Variants in MYO9A observed in about 807,000 individuals in gnomAD.
The protein encoded by MYO9A is unconventional myosin-IXa.
Under a neutral mutation model 293.3 loss-of-function variants are expected in MYO9A, and 103 were observed. That is an observed-to-expected ratio of 0.35 (90% CI 0.30 to 0.41). The LOEUF (loss-of-function observed/expected upper bound fraction) is 0.41. MYO9A is among the 10% of genes least tolerant of loss of function. The probability of loss-of-function intolerance (pLI) is 1.00; values close to 1 mark genes in which losing one functional copy is unlikely to be tolerated. For synonymous variants in MYO9A, 1,001 were observed against 1,035.7 expected, an observed-to-expected ratio of 0.97 and a Z score of 0.64; for missense variants, 2,685 against 3,033.0, an observed-to-expected ratio of 0.89 and a Z score of 2.69.
chr15:72,069,154 C>T (rs2079107522), intron 1 of MYO9A, among the ~76,000 whole-genome samples: 1 of 152,196 alleles, frequency 6.6e-6, no homozygotes, highest in Non-Finnish European at 1.5e-5. Flanking sequence ...CTCACAAGCT[C>T]TTAGGTAGCA....
intron 6 of MYO9A, 123 bp from the exon 7 acceptor site, chr15:72,010,570 G>T: frequency 1.3e-6 from 1 of 743,644 alleles, no homozygotes; most frequent in Non-Finnish European, 2.2e-6. Flanking sequence ...AGAGCTGGTA[G>T]AATAGTAAGA....
At position 71,912,400 on chromosome 15, in the gene MYO9A, CGCCCATCGCCAT is replaced by C. The variant is rs1567263510; in HGVS notation, c.2685+3958_2685+3969del. ...CCTCCCAAGTAGCTGGGATTACAGG[CGCCCATCGCCAT>C]GCCTGGCTAATTTTTGTATTTTCAG... On this transcript the variant is annotated intron_variant, in intron 19 of 41. Transcript: ENST00000356056. 4.6e-5 allele frequency among the ~76,000 whole-genome samples: 7 copies of C among 152,110 alleles called. No homozygotes were observed. The East Asian group carries it at 9.7e-4, about 21-fold the overall frequency.
intron 18 of MYO9A, among the ~76,000 whole-genome samples, chr15:71,919,596 G>A (rs967608178): frequency 2.0e-5 from 3 of 151,710 alleles, no homozygotes; most frequent in African/African-American, 4.8e-5. Context: ...CTGGCCAGGC[G>A]TGAGGAGGCC....
In MYO9A at chr15:71,898,697, C is replaced by T. The variant is rs756475805; in HGVS notation, c.3806G>A (p.Arg1269Gln). Residue 1269 changes from arginine to glutamine, a missense_variant, in exon 25 of 42, where the codon CGG (arginine) becomes CAG (glutamine). Arg to Gln is a conservative substitution (Grantham distance 43). This residue lies in a region of MYO9A where 1,434 missense variants were observed against 1,497.7 expected (regional missense o/e 0.96). Transcript: ENST00000356056. ...LEDLHQKKVG[R>Q]AKRESRRMRE... ...CATTCTCCTACTTTCTCTCTTAGCCCGGCCTACTTTTTTCTGATGGAGATC... is the reference window on the plus strand; with the variant it reads ...CATTCTCCTACTTTCTCTCTTAGCCTGGCCTACTTTTTTCTGATGGAGATC... 1.6e-5 allele frequency: 26 copies of T among 1,613,754 alleles called. No homozygotes were observed. Among genetic ancestry groups the T allele is most frequent in the South Asian group, 4.4e-5 (4 of 91,044 alleles).
chr15:72,003,241 C>G (rs2076920204), intron 8 of MYO9A, among the ~76,000 whole-genome samples: 1 of 149,066 alleles, frequency 6.7e-6, no homozygotes, highest in Admixed American at 6.7e-5. Flanking sequence ...TGCACTGTAG[C>G]CTGGGCAACA....
At chr15:72,074,523 G>C (rs2079285862) in intron 1 of MYO9A, among the ~76,000 whole-genome samples, 1 of 152,160 alleles carries the variant, frequency 6.6e-6, no homozygotes, top group African/African-American at 2.4e-5. Context: ...GGTGAACACA[G>C]GAATGAATAA....
chr15:71,982,496 G>GA (rs971464885), intron 11 of MYO9A, among the ~76,000 whole-genome samples: 5 of 151,500 alleles, frequency 3.3e-5, no homozygotes, highest in East Asian at 3.9e-4. Context: ...ACGCAAACTT[G>GA]AAAAAAAAGT....
intron 40 of MYO9A, among the ~76,000 whole-genome samples, chr15:71,829,193 G>A: frequency 6.6e-6 from 1 of 152,102 alleles, no homozygotes; most frequent in African/African-American, 2.4e-5. Flanking sequence ...AATAGCCCCT[G>A]GTCAATGTAC....
intron 22 of MYO9A, 34 bp from the exon 23 acceptor site, chr15:71,901,374 TAAG>T (rs1372695098): frequency 6.3e-7 from 1 of 1,580,096 alleles, no homozygotes; most frequent in East Asian, 2.3e-5. Context: ...GAATGCAGCT[TAAG>T]AAGAAATGAG....
rs1329961616 is a variant in MYO9A at position 71,991,932 on chromosome 15, T to G, written c.1588-695A>C. On this transcript the variant is annotated intron_variant, in intron 10 of 41. Coordinates refer to ENST00000356056, the MANE Select transcript of MYO9A (RefSeq NM_006901.4). ...CACCATTCTGGCTAATTTTTTGTAT[T>G]TTTGGTAGAGACTGGTTTCACCACG... 2.6e-5 allele frequency among the ~76,000 whole-genome samples: 4 copies of G among 152,152 alleles called. No homozygotes were observed. In the South Asian group the frequency reaches 6.2e-4, roughly 24 times the overall value.
intron 4 of MYO9A, among the ~76,000 whole-genome samples, chr15:72,021,830 T>G (rs1164665649): frequency 6.6e-6 from 1 of 152,150 alleles, no homozygotes; most frequent in Non-Finnish European, 1.5e-5. Context: ...CAGGGTTGTG[T>G]GTGCTCTCAG....
chr15:72,019,402 C>T (rs7171243), intron 5 of MYO9A, among the ~76,000 whole-genome samples: 1,906 of 152,178 alleles, frequency 0.013, 55 homozygotes, highest in Admixed American at 0.057. Context: ...TCTGAAAGAA[C>T]AGCAAAATTC....
chr15:72,093,271 T>C (rs2079973922), intron 1 of MYO9A, among the ~76,000 whole-genome samples: 1 of 152,208 alleles, frequency 6.6e-6, no homozygotes, highest in South Asian at 2.1e-4. Flanking sequence ...CTCATGCCTG[T>C]AATTTCAGCA....
In MYO9A at chr15:71,826,528, G is replaced by A; in HGVS notation, c.*52C>T. 1.3e-6 allele frequency: 2 copies of A among 1,498,430 alleles called. No homozygotes were observed. Among genetic ancestry groups the A allele is most frequent in the South Asian group, 1.3e-5 (1 of 74,582 alleles). The allele number at this position is 1,498,430 out of a possible 1,614,324, so 92.8% of individuals were successfully genotyped here. A position where few individuals can be genotyped will look rare whatever the true frequency, so the allele number is the denominator to read the frequency against. On this transcript the variant is annotated 3_prime_UTR_variant, in exon 42 of 42. Transcript: ENST00000356056. ...CGAGGTGATGAAACGCAGCCCCAAA[G>A]GTGAGATTTGTTTACCACTCTGTAG...
chr15:71,834,551 C>T (rs2054860845), intron 39 of MYO9A, among the ~76,000 whole-genome samples: 2 of 151,996 alleles, frequency 1.3e-5, no homozygotes, highest in East Asian at 1.9e-4. Context: ...GCAGGTGGAT[C>T]GCTTGAGCTC....
intron 39 of MYO9A, among the ~76,000 whole-genome samples, chr15:71,834,132 T>G (rs2054841458): frequency 1.3e-5 from 2 of 152,038 alleles, no homozygotes; most frequent in Admixed American, 1.3e-4. Context: ...AACCAAAGGT[T>G]GTAATGAAAA....
chr15:72,049,872 T>TA (rs2078501961), intron 1 of MYO9A, among the ~76,000 whole-genome samples: 1 of 152,192 alleles, frequency 6.6e-6, no homozygotes, highest in African/African-American at 2.4e-5. Flanking sequence ...CCAAAAAGGT[T>TA]AAAGACCACT....
At chr15:71,964,156 T>G (rs2075813147) in intron 13 of MYO9A, among the ~76,000 whole-genome samples, 1 of 152,176 alleles carries the variant, frequency 6.6e-6, no homozygotes, top group African/African-American at 2.4e-5. Flanking sequence ...TTTTTTATAT[T>G]ATCAGTTATT....
rs761310872 is a variant in MYO9A, at chr15:71,898,318, C to T, written c.4185G>A (p.Val1395=). 6.2e-7 allele frequency: 1 copy of T among 1,613,884 alleles called. No homozygotes were observed. The highest frequency in any genetic ancestry group is 2.2e-5 in the East Asian group (1 of 44,876). ...AGGTAATAGACTCAGAACTGCAGAC[C>T]ACCATTTCCTTCATAGTTCCATCCT... ...HLKDGTMKEM[V]VCSSESITCK... is the part of the protein sequence containing the mutation. The change falls in exon 25 of 42, where the codon GTG becomes GTA. Residue 1395 remains valine (V), a synonymous_variant. Transcript: ENST00000356056.
Sources: allele counts gnomAD v4.1 joint callset (sites outside exome capture counted in the v4.1 genomes callset), GRCh38; gene constraint gnomAD v4.1.1; regional missense constraint gnomAD v4.1.1; transcripts MANE v1.5; gene names NCBI Gene and HGNC (gene_info 2026-07-23, HGNC 2026-07-21).